The following CREG1 variants were observed in gnomAD, a reference collection of about 807,000 sequenced individuals.
The protein encoded by CREG1 is protein CREG1.
Under a neutral mutation model 19.9 loss-of-function variants are expected in CREG1, and 20 were observed. The ratio of observed to expected loss-of-function variants is 1.01; its 90% CI spans 0.71 to 1.46. CREG1 has a LOEUF of 1.46. Ranked by LOEUF, CREG1 falls within the 40% of genes most tolerant of loss-of-function variation. The probability of loss-of-function intolerance (pLI) is 0.00; values close to 1 mark genes in which losing one functional copy is unlikely to be tolerated. For missense variants in CREG1, 290 were observed against 314.9 expected (o/e 0.92, Z 0.60); for synonymous variants, 141 against 143.3 (o/e 0.98, Z 0.12).
rs780846297 is a variant in CREG1 at position 167,542,278 on chromosome 1, T to A, written c.*20A>T. The stretch of plus-strand genomic sequence containing the variant: ...CTTTAAGAAACTTCATAAGTGTTGC[T>A]AAATTCACCACAGTCTGCTTCACCT... On this transcript the variant is annotated 3_prime_UTR_variant, in exon 4 of 4. Transcript: ENST00000370509. 14 of 1,599,798 alleles carry A rather than the reference T, an allele frequency of 8.8e-6. No individual in the cohort carries two copies. In the East Asian group the frequency reaches 3.2e-4, roughly 36 times the overall value.
chr1:167,542,351 T>C, intron 3 of CREG1, 50 bp from the exon 4 acceptor site: 1 of 1,542,912 alleles, frequency 6.5e-7, no homozygotes, highest in Non-Finnish European at 8.8e-7. Flanking sequence ...GGTTAACAAA[T>C]CTTAAAAATT....
intron 1 of CREG1, among the ~76,000 whole-genome samples, chr1:167,550,138 C>T (rs1401079623): frequency 6.6e-6 from 1 of 152,184 alleles, no homozygotes; most frequent in Non-Finnish European, 1.5e-5. Context: ...TACGGTCGTA[C>T]ACCACCATAC....
At chr1:167,552,556 T>C (rs942169231) in intron 1 of CREG1, among the ~76,000 whole-genome samples, 1 of 152,184 alleles carries the variant, frequency 6.6e-6, no homozygotes, top group Non-Finnish European at 1.5e-5. Context: ...GCTCTGCATC[T>C]TACTGAGGAG....
intron 1 of CREG1, among the ~76,000 whole-genome samples, chr1:167,552,605 T>C (rs188816773): frequency 3.0e-4 from 45 of 152,330 alleles, no homozygotes; most frequent in African/African-American, 1.1e-3. Flanking sequence ...GCAGTAATCA[T>C]TGTAATCGTC....
rs559463886 is a variant in CREG1, at chr1:167,547,686, C to T, written c.474+316G>A. Among the ~76,000 whole-genome samples the T allele has an allele frequency of 1.2e-4, 18 of 152,114 alleles. No homozygotes were observed. In the East Asian group the frequency reaches 1.4e-3, roughly 11 times the overall value. On this transcript the variant is annotated intron_variant, in intron 2 of 3. Transcript: ENST00000370509. ...CTGTAATCTCAGCACTTTGGGAGGT[C>T]GAGGTGGGTGGATCACTTGAGGTCA...
In CREG1 at chr1:167,542,174, C is replaced by T; in HGVS notation, c.*124G>A. 1 of 784,532 alleles carries T rather than the reference C, an allele frequency of 1.3e-6. No homozygotes were observed. Among genetic ancestry groups the T allele is most frequent in the Non-Finnish European group, 1.9e-6 (1 of 515,114 alleles). The allele number at this position is 784,532 out of a possible 1,614,324, so 48.6% of individuals were successfully genotyped here. ...CAAGTAAACAAGCAAGCAAACAAAC[C>T]AGCATGTGACAGAAAACTGGCTAAT... On this transcript the variant is annotated 3_prime_UTR_variant, in exon 4 of 4. Transcript: ENST00000370509.
intron 3 of CREG1, among the ~76,000 whole-genome samples, chr1:167,544,773 G>A (rs1397724371): frequency 6.6e-6 from 1 of 152,180 alleles, no homozygotes; most frequent in Non-Finnish European, 1.5e-5. Context: ...GGAAGGTTGC[G>A]CAAGAAAGGG....
chr1:167,551,269 C>T (rs1054694582), intron 1 of CREG1, among the ~76,000 whole-genome samples: 1 of 152,090 alleles, frequency 6.6e-6, no homozygotes, highest in African/African-American at 2.4e-5. Context: ...TCCTTCTGAA[C>T]GATTTCACCC....
chr1:167,547,114 G>A (rs1353676314), intron 2 of CREG1, among the ~76,000 whole-genome samples: 1 of 152,220 alleles, frequency 6.6e-6, no homozygotes, highest in Non-Finnish European at 1.5e-5. Context: ...ACTTGTCTGA[G>A]GCATTAATGA....
At chr1:167,551,317 CAGG>C (rs1656420487) in intron 1 of CREG1, among the ~76,000 whole-genome samples, 1 of 152,128 alleles carries the variant, frequency 6.6e-6, no homozygotes, top group Non-Finnish European at 1.5e-5. Flanking sequence ...CCCTGGAGGT[CAGG>C]AGGAGGAAAA....
At chr1:167,552,799 C>A (rs1237866067) in intron 1 of CREG1, among the ~76,000 whole-genome samples, 1 of 152,174 alleles carries the variant, frequency 6.6e-6, no homozygotes, top group Non-Finnish European at 1.5e-5. Flanking sequence ...GTAATCCCAG[C>A]ACTTTGGGAG....
intron 1 of CREG1, among the ~76,000 whole-genome samples, chr1:167,549,380 A>AT (rs869045848): frequency 3.4e-5 from 3 of 89,034 alleles, no homozygotes; most frequent in African/African-American, 1.4e-4. Context: ...AATAACTGCA[A>AT]TTTTTTTTTG....
At chr1:167,548,143 C>T in intron 1 of CREG1, 22 bp from the exon 2 acceptor site, 1 of 1,572,536 alleles carries the variant, frequency 6.4e-7, no homozygotes, top group Non-Finnish European at 8.7e-7. Context: ...AAATGAAGAT[C>T]CTCTCATGTG....
At position 167,545,558 on chromosome 1, in the gene CREG1, C is replaced by T. The variant is rs566754639; in HGVS notation, c.659+543G>A. On this transcript the variant is annotated intron_variant, in intron 3 of 3. Coordinates refer to ENST00000370509, the MANE Select transcript of CREG1 (RefSeq NM_003851.3). ...AAGCACAGAAAAGGCCAGGCATGGTCGCTCATGCCTGTAATCCTAGCACTT... is the reference window on the plus strand; with the variant it reads ...AAGCACAGAAAAGGCCAGGCATGGTTGCTCATGCCTGTAATCCTAGCACTT... Among the ~76,000 whole-genome samples, 3 of 152,206 alleles carry T rather than the reference C, an allele frequency of 2.0e-5. No homozygotes were observed. In the East Asian group the frequency reaches 5.8e-4, roughly 29 times the overall value.
chr1:167,546,129 G>T lies in CREG1; in HGVS notation c.631C>A (p.Pro211Thr). 6.2e-7 allele frequency: 1 copy of T among 1,608,346 alleles called. No individual in the cohort carries two copies. ...ACTGTGACATTATAATATTCTTCTG[G>T]TGTCACGATTTTTGGTCCACCAAAG... Reference protein sequence around the residue: ...DYFGGPKIVTPEEYYNVTVQ With the variant: ...DYFGGPKIVTTEEYYNVTVQ Residue 211 changes from proline to threonine, a missense_variant, in exon 3 of 4, where the codon CCA becomes ACA. Pro to Thr is a conservative substitution (Grantham distance 38). Transcript: ENST00000370509.
At chr1:167,552,098 G>C (rs968554734) in intron 1 of CREG1, among the ~76,000 whole-genome samples, 3 of 152,170 alleles carry the variant, frequency 2.0e-5, no homozygotes, top group Non-Finnish European at 4.4e-5. Context: ...TCAGCTGATG[G>C]GCCACCAGCC....
chr1:167,547,766 C>G (rs1656354327), intron 2 of CREG1, among the ~76,000 whole-genome samples: 1 of 151,976 alleles, frequency 6.6e-6, no homozygotes, highest in African/African-American at 2.4e-5. Flanking sequence ...ACTAAAAATA[C>G]AAAAATTAGC....
Position 167,553,471 on chromosome 1 carries a change from G to T in CREG1, c.271C>A (p.Leu91Ile). 1 of 1,485,382 alleles carries T rather than the reference G, an allele frequency of 6.7e-7. No homozygotes were observed. Among genetic ancestry groups the T allele is most frequent in the Non-Finnish European group, 8.9e-7 (1 of 1,125,046 alleles). The allele number at this position is 1,485,382 out of a possible 1,614,324, so 92.0% of individuals were successfully genotyped here. A position where few individuals can be genotyped will look rare whatever the true frequency, so the allele number is the denominator to read the frequency against. Residue 91 changes from leucine (L) to isoleucine (I), a missense_variant, in exon 1 of 4, where the codon CTC (leucine) becomes ATC (isoleucine). Physicochemically the swap from Leu to Ile is conservative, Grantham distance 5. Transcript: ENST00000370509. ...RGRPFADVLS[L>I]SDGPPGAGSG... Reference sequence around the variant, plus strand: ...CCCGCGCCCGGGGGCCCGTCGCTGAGCGAGAGGACGTCGGCGAAGGGCCGG... The same window carrying T: ...CCCGCGCCCGGGGGCCCGTCGCTGATCGAGAGGACGTCGGCGAAGGGCCGG...
rs1486546712 is a variant in CREG1 at position 167,553,543 on chromosome 1, C to A, written c.199G>T (p.Asp67Tyr). 1 of 1,474,352 alleles carries A rather than the reference C, an allele frequency of 6.8e-7. No individual in the cohort carries two copies. Among genetic ancestry groups the A allele is most frequent in the Non-Finnish European group, 8.9e-7 (1 of 1,119,772 alleles). The allele number at this position is 1,474,352 out of a possible 1,614,324, so 91.3% of individuals were successfully genotyped here. ...RVARFVTHVS[D>Y]WGALATISTL... ...GAGATGGTGGCCAGAGCGCCCCAGT[C>A]GGAGACGTGCGTCACGAAGCGGGCC... The change falls in exon 1 of 4, where the codon GAC becomes TAC. Residue 67 changes from aspartate to tyrosine, a missense_variant. Coordinates refer to ENST00000370509, the MANE Select transcript of CREG1 (RefSeq NM_003851.3).
Sources: allele counts gnomAD v4.1 joint callset (sites outside exome capture counted in the v4.1 genomes callset), GRCh38; gene constraint gnomAD v4.1.1; transcripts MANE v1.5; gene names NCBI Gene and HGNC (gene_info 2026-07-23, HGNC 2026-07-21).